Variants in TLR5 observed in about 807,000 individuals in gnomAD.
TLR5 encodes the protein toll like receptor 5, also known as toll-like receptor 5.
For missense variants in TLR5, 944 were observed against 999.8 expected (o/e 0.94, Z 0.75); for synonymous variants, 373 against 384.4 (o/e 0.97, Z 0.35).
chr1:223,117,018 C>G (rs191295476), intron 5 of TLR5, among the ~76,000 whole-genome samples: 1 of 152,156 alleles, frequency 6.6e-6, no homozygotes, highest in Non-Finnish European at 1.5e-5. Context: ...CAGGGGGCGG[C>G]GCCCGTTGGG....
intron 5 of TLR5, among the ~76,000 whole-genome samples, chr1:223,116,521 C>T (rs990222386): frequency 6.6e-6 from 1 of 152,072 alleles, no homozygotes; most frequent in East Asian, 1.9e-4. Context: ...TAGTGCAGAC[C>T]CAAAGAGCGA....
intron 4 of TLR5, among the ~76,000 whole-genome samples, chr1:223,133,106 T>C (rs906058917): frequency 6.6e-5 from 10 of 152,132 alleles, no homozygotes; most frequent in African/African-American, 1.9e-4. Context: ...CTAGGTAAAT[T>C]ATGGCTGTGT....
chr1:223,117,023 G>A (rs1281830419), intron 5 of TLR5, among the ~76,000 whole-genome samples: 7 of 152,154 alleles, frequency 4.6e-5, no homozygotes, highest in South Asian at 2.1e-4. Flanking sequence ...GGCGGCGCCC[G>A]TTGGGGAGGC....
rs1292478139 is a variant in TLR5, at chr1:223,111,461, T to C, written c.1571A>G (p.His524Arg). 6.2e-7 allele frequency: 1 copy of C among 1,614,208 alleles called. No individual in the cohort carries two copies. Among genetic ancestry groups the C allele is most frequent in the Non-Finnish European group, 8.5e-7 (1 of 1,180,042 alleles). The part of the protein sequence containing the change: ...LNSLPPGVFS[H>R]LTALRGLSLN... ...GCTTAGTCCCCTTAATGCAGTCAGATGGCTAAATACTCCTGGTGGAAGGGA... is the reference window on the plus strand; with the variant it reads ...GCTTAGTCCCCTTAATGCAGTCAGACGGCTAAATACTCCTGGTGGAAGGGA... Residue 524 changes from histidine to arginine, a missense_variant, in exon 6 of 6, where the codon CAT becomes CGT. His to Arg is a conservative substitution (Grantham distance 29). Coordinates refer to ENST00000642603, the MANE Select transcript of TLR5 (RefSeq NM_003268.6).
chr1:223,113,176 G>A, intron 5 of TLR5, 141 bp from the exon 6 acceptor site: 9 of 816,762 alleles, frequency 1.1e-5, no homozygotes, highest in Non-Finnish European at 1.9e-5. Context: ...AGACGTGGCT[G>A]TTGGCAGATA....
intron 5 of TLR5, among the ~76,000 whole-genome samples, 184 bp from the exon 6 acceptor site, chr1:223,113,219 T>G (rs1773729): frequency 0.34 from 51,578 of 151,972 alleles, 9,962 homozygotes; most frequent in Non-Finnish European, 0.43. Flanking sequence ...ATTTCTGTTT[T>G]TTTTGAGACA....
At chr1:223,141,955 A>G (rs1657893520) in intron 1 of TLR5, among the ~76,000 whole-genome samples, 192 bp from the exon 2 acceptor site, 1 of 151,864 alleles carries the variant, frequency 6.6e-6, no homozygotes, top group African/African-American at 2.4e-5. Context: ...CAATCCAGTA[A>G]CTGAATAATT....
Position 223,110,454 on chromosome 1 carries a change from A to C in TLR5, c.*1T>G. The C allele has an allele frequency of 6.2e-7, 1 of 1,613,820 alleles. No individual in the cohort carries two copies. The highest frequency in any genetic ancestry group is 8.5e-7 in the Non-Finnish European group (1 of 1,179,916). The stretch of plus-strand genomic sequence containing the variant: ...AGATAAGTTGGAAATTGCTCCTTTG[A>C]TTAGGAGATGGTTGCTACAGTTTGC... On this transcript the variant is annotated 3_prime_UTR_variant, in exon 6 of 6. Transcript: ENST00000642603.
intron 5 of TLR5, among the ~76,000 whole-genome samples, chr1:223,126,336 G>A (rs1314308707): frequency 6.6e-6 from 1 of 152,206 alleles, no homozygotes; most frequent in Non-Finnish European, 1.5e-5. Context: ...GAAGTTACCA[G>A]GGGCTGGGAG....
chr1:223,111,887 A>G lies in TLR5; in HGVS notation c.1145T>C (p.Phe382Ser). Reference sequence around the variant, plus strand: ...ATCCAAGGTCTGTAATTTTTCCAGGAATTTGAATGTTTGGTCTTGAATTAT... The same window carrying G: ...ATCCAAGGTCTGTAATTTTTCCAGGGATTTGAATGTTTGGTCTTGAATTAT... Reference protein sequence around the residue: ...IAIIQDQTFKFLEKLQTLDLR... With the variant: ...IAIIQDQTFKSLEKLQTLDLR... The change falls in exon 6 of 6, where the codon TTC becomes TCC. Residue 382 changes from phenylalanine to serine, a missense_variant. Transcript: ENST00000642603. 6.2e-7 allele frequency: 1 copy of G among 1,613,994 alleles called. No homozygotes were observed. Among genetic ancestry groups the G allele is most frequent in the African/African-American group, 1.3e-5 (1 of 75,034 alleles).
chr1:223,141,814 TATATATATAGAGAGAGAGAGAG>T (rs1206594607), intron 1 of TLR5, 51 bp from the exon 2 acceptor site: 2 of 46,852 alleles, frequency 4.3e-5, no homozygotes, highest in South Asian at 8.1e-4. Context: ...TATATATATA[TATATATATAGAGAGAGAGAGAG>T]AGAGAGAGAG....
chr1:223,142,619 CT>C (rs796419907), intron 1 of TLR5, among the ~76,000 whole-genome samples: 101 of 152,170 alleles, frequency 6.6e-4, no homozygotes, highest in East Asian at 2.3e-3. Flanking sequence ...CACAGGCAGG[CT>C]TTTTTTTCCC....
intron 4 of TLR5, among the ~76,000 whole-genome samples, chr1:223,133,521 G>A (rs1657474794): frequency 1.3e-5 from 2 of 152,182 alleles, no homozygotes; most frequent in Admixed American, 1.3e-4. Context: ...TTAGCGGTGA[G>A]AACCTAAGAG....
intron 2 of TLR5, among the ~76,000 whole-genome samples, chr1:223,138,795 T>G (rs564565656): frequency 6.6e-6 from 1 of 152,296 alleles, no homozygotes; most frequent in African/African-American, 2.4e-5. Context: ...ACCTTGTCCC[T>G]TACTCTTTGA....
intron 4 of TLR5, among the ~76,000 whole-genome samples, chr1:223,132,927 A>G (rs190941365): frequency 6.6e-6 from 1 of 152,250 alleles, no homozygotes; most frequent in Non-Finnish European, 1.5e-5. Flanking sequence ...CTTTCATGAC[A>G]TTTCTGGGGT....
rs1656341339 is a variant in TLR5 at position 223,111,605 on chromosome 1, T to C, written c.1427A>G (p.Glu476Gly). The C allele has an allele frequency of 6.2e-7, 1 of 1,614,052 alleles. No individual in the cohort carries two copies. Among genetic ancestry groups the C allele is most frequent in the African/African-American group, 1.3e-5 (1 of 74,920 alleles). The change falls in exon 6 of 6, where the codon GAA becomes GGA. Residue 476 changes from glutamate to glycine, a missense_variant. Coordinates refer to ENST00000642603, the MANE Select transcript of TLR5 (RefSeq NM_003268.6). ...CATATTTTCTCCAAGGAAAAGCTGT[T>C]CTAAGCTGGGATTCTCTGAAGGGGT... is the stretch of plus-strand genomic sequence containing the variant. ...DQTPSENPSLEQLFLGENMLQ... is the reference protein window; with the variant it reads ...DQTPSENPSLGQLFLGENMLQ...
chr1:223,116,946 C>T (rs1360505404), intron 5 of TLR5, among the ~76,000 whole-genome samples: 1 of 152,198 alleles, frequency 6.6e-6, no homozygotes, highest in Non-Finnish European at 1.5e-5. Flanking sequence ...GCCCGCCAGT[C>T]CCACCCCATG....
At chr1:223,123,066 GATATAA>G (rs1219755065) in intron 5 of TLR5, among the ~76,000 whole-genome samples, 1 of 152,148 alleles carries the variant, frequency 6.6e-6, no homozygotes, top group Non-Finnish European at 1.5e-5. Context: ...GTGACTCTAA[GATATAA>G]ATATGTTCCA....
chr1:223,121,450 C>T (rs144050312), intron 5 of TLR5, among the ~76,000 whole-genome samples: 171 of 152,322 alleles, frequency 1.1e-3, no homozygotes, highest in African/African-American at 4.0e-3. Context: ...TTCCACATTC[C>T]TTACAGGCAC....
Sources: gnomAD v4.1 joint callset for allele counts (sites outside exome capture counted in the v4.1 genomes callset) on GRCh38, gnomAD v4.1.1 for gene constraint, MANE v1.5 for transcripts, NCBI Gene and HGNC (gene_info 2026-07-23, HGNC 2026-07-21) for gene names.